ABCA12: variants seen among roughly 807,000 people sequenced by gnomAD.
ABCA12 encodes the protein ATP binding cassette subfamily A member 12.
Under a neutral mutation model 293.5 loss-of-function variants are expected in ABCA12, and 156 were observed. That is an observed-to-expected ratio of 0.53 (90% CI 0.47 to 0.61). The LOEUF is 0.61. Among genes scored for constraint, ABCA12 ranks in the 20% least tolerant of loss-of-function variants. The pLI, the probability that ABCA12 is intolerant of heterozygous loss-of-function variation, is 0.00. For missense variants in ABCA12, 2,797 were observed against 3,090.2 expected, an observed-to-expected ratio of 0.91 and a Z score of 2.25; for synonymous variants, 1,063 against 1,108.0, an observed-to-expected ratio of 0.96 and a Z score of 0.81.
chr2:214,998,078 TTGAG>T (rs1700073975), intron 22 of ABCA12, among the ~76,000 whole-genome samples: 1 of 152,154 alleles, frequency 6.6e-6, no homozygotes, highest in African/African-American at 2.4e-5. Context: ...TAAATTGTGT[TTGAG>T]TATGTGTCTG....
intron 51 of ABCA12, among the ~76,000 whole-genome samples, chr2:214,936,707 A>G (rs1295626673): frequency 6.6e-6 from 1 of 152,158 alleles, no homozygotes; most frequent in Non-Finnish European, 1.5e-5. Context: ...GAACTTGAGG[A>G]CTTGATTTCT....
At chr2:215,064,687 A>G (rs1701604121) in intron 2 of ABCA12, among the ~76,000 whole-genome samples, 1 of 126,036 alleles carries the variant, frequency 7.9e-6, no homozygotes, top group South Asian at 2.3e-4. Context: ...TAATCTTTTA[A>G]TACACGCACA....
intron 3 of ABCA12, among the ~76,000 whole-genome samples, chr2:215,055,400 T>G (rs537901588): frequency 2.6e-5 from 4 of 152,144 alleles, no homozygotes; most frequent in African/African-American, 9.6e-5. Context: ...TTTAGTTTGT[T>G]ATTAAAATGG....
intron 11 of ABCA12, among the ~76,000 whole-genome samples, chr2:215,024,159 G>T: frequency 6.6e-6 from 1 of 152,128 alleles, no homozygotes; most frequent in East Asian, 1.9e-4. Flanking sequence ...TTTCTCTACA[G>T]AATTTCTTCT....
At chr2:214,984,884 T>A (rs1195308721) in intron 28 of ABCA12, among the ~76,000 whole-genome samples, 1 of 152,204 alleles carries the variant, frequency 6.6e-6, no homozygotes, top group Non-Finnish European at 1.5e-5. Flanking sequence ...TCCTTTTCTC[T>A]ATACTGTGAT....
In ABCA12 at chr2:215,012,096, T is replaced by C; in HGVS notation, c.1996A>G (p.Met666Val). Residue 666 changes from methionine (M) to valine (V), a missense_variant, in exon 16 of 53, where the codon ATG becomes GTG. Coordinates refer to ENST00000272895, the MANE Select transcript of ABCA12 (RefSeq NM_173076.3). ...TTTAGTCTTATGAAGAGCTCCATCA[T>C]CTTTTCTACTGGCTTTTGATCTTTC... is the stretch of plus-strand genomic sequence containing the variant. Reference protein sequence around the residue: ...PRKDQKPVEKMMELFIRLKEI... With the variant: ...PRKDQKPVEKVMELFIRLKEI... 1 of 1,613,994 alleles carries C rather than the reference T, an allele frequency of 6.2e-7. No homozygotes were observed. The highest frequency in any genetic ancestry group is 8.5e-7 in the Non-Finnish European group (1 of 1,179,902).
chr2:214,990,419 A>C (rs1335258870), intron 24 of ABCA12, among the ~76,000 whole-genome samples: 2 of 152,222 alleles, frequency 1.3e-5, no homozygotes, highest in Non-Finnish European at 2.9e-5. Context: ...GAGAAGTCAG[A>C]ATTCTTGAAG....
chr2:215,132,674 C>A (rs781532951), intron 1 of ABCA12, among the ~76,000 whole-genome samples: 9 of 151,772 alleles, frequency 5.9e-5, no homozygotes, highest in Admixed American at 3.3e-4. Flanking sequence ...ATGGCCATGT[C>A]TTTTTTAAAA....
At position 214,978,374 on chromosome 2, in the gene ABCA12, A is replaced by G; in HGVS notation, c.5070T>C (p.Asn1690=). ...TQKKIGNSNA[N]GISTPDDLSV... is the part of the protein sequence containing the mutation. ...ATAAATCGTCAGGAGTTGAGATGCCATTGGCATTGGAATTCCCAATTTTCT... is the reference window on the plus strand; with the variant it reads ...ATAAATCGTCAGGAGTTGAGATGCCGTTGGCATTGGAATTCCCAATTTTCT... The change falls in exon 33 of 53, where the codon AAT becomes AAC. Residue 1690 remains asparagine, a synonymous_variant. Transcript: ENST00000272895. 6.2e-7 allele frequency: 1 copy of G among 1,614,004 alleles called. No homozygotes were observed. The highest frequency in any genetic ancestry group is 8.5e-7 in the Non-Finnish European group (1 of 1,179,944).
At chr2:215,058,392 T>A (rs767500161) in intron 3 of ABCA12, among the ~76,000 whole-genome samples, 3 of 151,982 alleles carry the variant, frequency 2.0e-5, no homozygotes, top group African/African-American at 7.2e-5. Context: ...CAATGACAGA[T>A]AATGGAATTA....
chr2:214,956,299 C>A (rs1423580534), intron 42 of ABCA12, among the ~76,000 whole-genome samples: 1 of 152,082 alleles, frequency 6.6e-6, no homozygotes, highest in African/African-American at 2.4e-5. Flanking sequence ...ATATGCACTT[C>A]ATAATGCTAC....
chr2:214,999,263 A>C (rs571605275), intron 22 of ABCA12, among the ~76,000 whole-genome samples: 1 of 152,314 alleles, frequency 6.6e-6, no homozygotes, highest in African/African-American at 2.4e-5. Flanking sequence ...TTCATTAACA[A>C]CAAATCCCCT....
chr2:214,968,477 G>C (rs900505550), intron 38 of ABCA12, among the ~76,000 whole-genome samples: 5 of 151,940 alleles, frequency 3.3e-5, no homozygotes, highest in African/African-American at 1.2e-4. Flanking sequence ...GGGCATTTTG[G>C]GTTGCGTTTT....
intron 1 of ABCA12, among the ~76,000 whole-genome samples, chr2:215,117,351 C>T (rs1702707892): frequency 2.6e-5 from 4 of 152,124 alleles, no homozygotes; most frequent in Admixed American, 2.6e-4. Context: ...GGGCACATTT[C>T]AGTGACCTTG....
chr2:215,029,466 T>A (rs1700825340), intron 9 of ABCA12: 1 of 152,196 alleles, frequency 6.6e-6, no homozygotes, highest in Non-Finnish European at 1.5e-5. Context: ...TTTCTGTCTG[T>A]CATCATTGTT....
intron 51 of ABCA12, among the ~76,000 whole-genome samples, chr2:214,936,926 A>G (rs1297834495): frequency 7.2e-6 from 1 of 139,694 alleles, no homozygotes; most frequent in Non-Finnish European, 1.6e-5. Context: ...ATGATCATAA[A>G]TCCTTTGTGA....
At chr2:215,011,677 G>A in intron 16 of ABCA12, 28 bp from the exon 17 acceptor site, 1 of 1,600,020 alleles carries the variant, frequency 6.2e-7, no homozygotes, top group Non-Finnish European at 8.6e-7. Context: ...ACAATTTATT[G>A]ACACTATATG....
At position 215,112,067 on chromosome 2, in the gene ABCA12, C is replaced by G. The variant is rs373002535; in HGVS notation, c.70-377G>C. ...GACACAATGTTCTAAACAGGCCATA[C>G]AAAACCCAAAATAATTTCAACCTAT... is the stretch of plus-strand genomic sequence containing the variant. On this transcript the variant is annotated intron_variant, in intron 1 of 52. Transcript: ENST00000272895. Among the ~76,000 whole-genome samples the G allele has an allele frequency of 1.3e-4, 20 of 152,240 alleles. No individual in the cohort carries two copies. The East Asian group carries it at 3.9e-3, about 29-fold the overall frequency.
At chr2:215,055,876 G>A (rs1392107100) in intron 3 of ABCA12, among the ~76,000 whole-genome samples, 1 of 151,912 alleles carries the variant, frequency 6.6e-6, no homozygotes, top group Admixed American at 6.6e-5. Flanking sequence ...ACTACGTGAT[G>A]GGAAAATTGT....
Sources: gnomAD v4.1 joint callset for allele counts (sites outside exome capture counted in the v4.1 genomes callset) on GRCh38, gnomAD v4.1.1 for gene constraint, MANE v1.5 for transcripts, NCBI Gene and HGNC (gene_info 2026-07-23, HGNC 2026-07-21) for gene names.